The following E2F7 variants were observed in gnomAD, a reference collection of about 807,000 sequenced individuals.
E2F7 encodes the protein transcription factor E2F7.
In E2F7, 35 loss-of-function variants were observed where a neutral mutation model predicts 81.1. The ratio of observed to expected loss-of-function variants is 0.43; its 90% confidence interval spans 0.33 to 0.57. The LOEUF (loss-of-function observed/expected upper bound fraction) is 0.57. E2F7 is among the 20% of genes least tolerant of loss of function. The pLI, the probability that E2F7 is intolerant of heterozygous loss-of-function variation, is 0.04. For missense variants in E2F7, 961 were observed against 1,093.7 expected (o/e 0.88, Z 1.71); for synonymous variants, 416 against 416.2 (o/e 1.00, Z 0.01).
chr12:77,033,137 G>A lies in E2F7; in HGVS notation c.1310-15C>T, dbSNP rs1216456154. The A allele has an allele frequency of 6.2e-7, 1 of 1,612,662 alleles. No individual in the cohort carries two copies. The highest frequency in any genetic ancestry group is 8.5e-7 in the Non-Finnish European group (1 of 1,179,294). On this transcript the variant is annotated splice_polypyrimidine_tract_variant and intron_variant, in intron 8 of 12. Transcript: ENST00000322886. ...GCCACCTGATCCTGAAAAGGAAGAT[G>A]AAGGCTTAACAAATATAGCAAGAGA...
At position 77,030,075 on chromosome 12, in the gene E2F7, A is replaced by C; in HGVS notation, c.1640T>G (p.Val547Gly). Residue 547 changes from valine to glycine, a missense_variant, in exon 10 of 13, where the codon GTG (valine) becomes GGG (glycine). By Grantham distance (109) the Val-to-Gly change is moderately radical. Transcript: ENST00000322886. ...KPALLAGQPL[V>G]YVPSASLFML... The stretch of plus-strand genomic sequence containing the variant: ...GAACAGTGAGGCAGAGGGCACATAC[A>C]CTAGAGGCTGGCCAGCAAGGAGTGC... The C allele has an allele frequency of 6.2e-7, 1 of 1,614,120 alleles. No homozygotes were observed. Among genetic ancestry groups the C allele is most frequent in the Non-Finnish European group, 8.5e-7 (1 of 1,180,012 alleles).
At position 77,023,940 on chromosome 12, in the gene E2F7, A is replaced by G. The variant is rs2120600036; in HGVS notation, c.*75T>C. ...AGGAAGGACCCGTGCTCAGGACGGG[A>G]TGGTTTGCATCCCGCCTCGGACATC... On this transcript the variant is annotated 3_prime_UTR_variant, in exon 13 of 13. Coordinates refer to ENST00000322886, the MANE Select transcript of E2F7 (RefSeq NM_203394.3). 2 of 1,546,510 alleles carry G rather than the reference A, an allele frequency of 1.3e-6. No individual in the cohort carries two copies.
intron 10 of E2F7, among the ~76,000 whole-genome samples, chr12:77,029,500 A>T (rs1737634070): frequency 6.6e-6 from 1 of 152,202 alleles, no homozygotes; most frequent in Admixed American, 6.5e-5. Flanking sequence ...CAGTGATCCT[A>T]ATTTGTTTTA....
chr12:77,043,762 G>C (rs925075190), intron 6 of E2F7, among the ~76,000 whole-genome samples: 1 of 152,164 alleles, frequency 6.6e-6, no homozygotes, highest in African/African-American at 2.4e-5. Context: ...GGTTGGATGG[G>C]CCTTGCCTGA....
chr12:77,048,553 G>A (rs1280638360), intron 4 of E2F7, among the ~76,000 whole-genome samples: 5 of 152,108 alleles, frequency 3.3e-5, no homozygotes, highest in Admixed American at 2.0e-4. Flanking sequence ...TGCTCTGCAC[G>A]TCCTTAGTTA....
intron 7 of E2F7, among the ~76,000 whole-genome samples, chr12:77,037,700 T>C (rs1488189050): frequency 2.6e-5 from 4 of 151,816 alleles, no homozygotes; most frequent in African/African-American, 9.7e-5. Flanking sequence ...AATGGAAGCA[T>C]AAGAAATACT....
rs183371632 is a variant in E2F7 at position 77,065,028 on chromosome 12, G to C, written c.-1+317C>G. Reference sequence around the variant, plus strand: ...ATTCGGCTTTGAGGGGTTTTGAATCGGGGGAAGGAAACCCGATCGCTAGAC... The same window carrying C: ...ATTCGGCTTTGAGGGGTTTTGAATCCGGGGAAGGAAACCCGATCGCTAGAC... On this transcript the variant is annotated intron_variant, in intron 1 of 12. Transcript: ENST00000322886. 4.6e-5 allele frequency among the ~76,000 whole-genome samples: 7 copies of C among 152,298 alleles called. No individual in the cohort carries two copies. The East Asian group carries it at 9.7e-4, about 21-fold the overall frequency.
chr12:77,046,631 C>T (rs566812163), intron 4 of E2F7, among the ~76,000 whole-genome samples: 9 of 152,198 alleles, frequency 5.9e-5, no homozygotes, highest in Non-Finnish European at 1.3e-4. Context: ...AGGCAAACCA[C>T]GCGAACATTT....
chr12:77,045,797 G>C, intron 5 of E2F7: 1 of 497,452 alleles, frequency 2.0e-6, no homozygotes, highest in Non-Finnish European at 3.5e-6. Flanking sequence ...TAATGCTAGT[G>C]ATCTATTCTC....
intron 10 of E2F7, among the ~76,000 whole-genome samples, chr12:77,029,194 A>G (rs1954783376): frequency 6.6e-6 from 1 of 152,192 alleles, no homozygotes; most frequent in Non-Finnish European, 1.5e-5. Context: ...AAATAGAGAA[A>G]GGTTCTTAAT....
In E2F7 at chr12:77,030,198, T is replaced by G. The variant is rs1954794705; in HGVS notation, c.1517A>C (p.Gln506Pro). The G allele has an allele frequency of 1.9e-6, 3 of 1,614,178 alleles. No homozygotes were observed. Among genetic ancestry groups the G allele is most frequent in the African/African-American group, 2.7e-5 (2 of 75,046 alleles). The change falls in exon 10 of 13, where the codon CAG becomes CCG. Residue 506 changes from glutamine to proline, a missense_variant. Gln to Pro is a moderately conservative substitution (Grantham distance 76). Transcript: ENST00000322886. ...PLAHPVFSVA[Q>P]TDLQAFSMQN... The stretch of plus-strand genomic sequence containing the variant: ...CATGGAGAATGCCTGCAGGTCCGTC[T>G]GAGCAACAGAAAATACTGGGTGGGC...
intron 10 of E2F7, 23 bp downstream of exon 10, chr12:77,029,808 C>G (rs202114675): frequency 1.2e-6 from 2 of 1,611,342 alleles, no homozygotes; most frequent in Non-Finnish European, 1.7e-6. Flanking sequence ...TGTCACCAGA[C>G]ACATCCACCT....
At chr12:77,039,545 T>A (rs144743883) in intron 7 of E2F7, among the ~76,000 whole-genome samples, 153 of 152,250 alleles carry the variant, frequency 1.0e-3, no homozygotes, top group East Asian at 9.4e-3. Context: ...GATAAACAGA[T>A]GGCAAAACAG....
intron 2 of E2F7, among the ~76,000 whole-genome samples, chr12:77,059,667 G>A (rs898804633): frequency 2.0e-5 from 3 of 152,122 alleles, no homozygotes; most frequent in Admixed American, 1.3e-4. Context: ...AGCCTCTCCT[G>A]TACTCATTGG....
chr12:77,039,784 C>T (rs561548998), intron 7 of E2F7, among the ~76,000 whole-genome samples: 19 of 152,310 alleles, frequency 1.2e-4, no homozygotes, highest in Non-Finnish European at 2.4e-4. Flanking sequence ...ACCTACCATA[C>T]GATGCAGCCT....
chr12:77,041,121 C>T (rs1266392970), intron 7 of E2F7, among the ~76,000 whole-genome samples: 1 of 152,218 alleles, frequency 6.6e-6, no homozygotes, highest in Non-Finnish European at 1.5e-5. Flanking sequence ...TCAGAGTTCT[C>T]CCAGTTCTGT....
intron 7 of E2F7, among the ~76,000 whole-genome samples, chr12:77,040,499 T>C (rs1210739593): frequency 6.6e-6 from 1 of 152,232 alleles, no homozygotes; most frequent in Non-Finnish European, 1.5e-5. Flanking sequence ...TGACCACAAC[T>C]GACTGTGGAA....
intron 3 of E2F7, among the ~76,000 whole-genome samples, chr12:77,051,912 T>G (rs1490923265): frequency 6.6e-6 from 1 of 152,122 alleles, no homozygotes; most frequent in Non-Finnish European, 1.5e-5. Flanking sequence ...ACAAAAAAAC[T>G]CAAAAGAATT....
chr12:77,058,423 A>T (rs1955051994), intron 2 of E2F7, among the ~76,000 whole-genome samples: 1 of 152,172 alleles, frequency 6.6e-6, no homozygotes, highest in Non-Finnish European at 1.5e-5. Flanking sequence ...CTGAAGGCAG[A>T]ACTTTCTGAA....
Sources: gnomAD v4.1 joint callset for allele counts (sites outside exome capture counted in the v4.1 genomes callset) on GRCh38, gnomAD v4.1.1 for gene constraint, MANE v1.5 for transcripts, NCBI Gene and HGNC (gene_info 2026-07-23, HGNC 2026-07-21) for gene names.